Variants in ATP2B2 observed in about 807,000 individuals in gnomAD.
ATP2B2 encodes plasma membrane calcium-transporting ATPase 2.
Under a neutral mutation model 120.0 loss-of-function variants are expected in ATP2B2, and 15 were observed. The observed-to-expected ratio is 0.12, with a 90% CI of 0.08 to 0.19. The LOEUF (loss-of-function observed/expected upper bound fraction) is 0.19. Ranked by LOEUF, ATP2B2 falls within the 10% of genes least tolerant of loss-of-function variation. The pLI, the probability that ATP2B2 is intolerant of heterozygous loss-of-function variation, is 1.00. For synonymous variants in ATP2B2, 694 were observed against 700.3 expected, an observed-to-expected ratio of 0.99 and a Z score of 0.14; for missense variants, 1,045 against 1,719.8, an observed-to-expected ratio of 0.61 and a Z score of 6.94.
At chr3:10,669,102 G>C (rs1276527790) in intron 1 of ATP2B2, among the ~76,000 whole-genome samples, 3 of 152,214 alleles carry the variant, frequency 2.0e-5, no homozygotes, top group Non-Finnish European at 2.9e-5. Context: ...CTCAGAACTG[G>C]GGGCTGGGAC....
At chr3:10,628,182 C>G (rs2069760340) in intron 1 of ATP2B2, among the ~76,000 whole-genome samples, 1 of 152,188 alleles carries the variant, frequency 6.6e-6, no homozygotes, top group Non-Finnish European at 1.5e-5. Context: ...GCCTCAGGGC[C>G]CATGGCCAGG....
intron 1 of ATP2B2, among the ~76,000 whole-genome samples, chr3:10,486,332 T>C (rs1111531): frequency 0.35 from 6,067 of 17,178 alleles, 380 homozygotes; most frequent in African/African-American, 0.45. Flanking sequence ...TGCGTGTGTG[T>C]GTGTGTGTGT....
In ATP2B2 at chr3:10,690,432, A is replaced by ATATCTATCTATC. The variant is rs58646066; in HGVS notation, c.-460+17471_-460+17482dup. Reference sequence around the variant, plus strand: ...AGAAAAAAACAGAATATCTATATCTATATCTATCTATCTATCTATCTATCT... The same window carrying ATATCTATCTATC: ...AGAAAAAAACAGAATATCTATATCTATATCTATCTATCTATCTATCTATCTATCTATCTATCT... On this transcript the variant is annotated intron_variant, in intron 1 of 21. Coordinates refer to the ATP2B2 transcript ENST00000646379. Among the ~76,000 whole-genome samples the ATATCTATCTATC allele has an allele frequency of 3.4e-3, 508 of 148,912 alleles. 1 individual carries two copies. Among genetic ancestry groups the ATATCTATCTATC allele is most frequent in the East Asian group, 3.9e-3 (19 of 4,920 alleles).
intron 2 of ATP2B2, among the ~76,000 whole-genome samples, chr3:10,616,072 C>T (rs2069377450): frequency 6.6e-6 from 1 of 152,180 alleles, no homozygotes; most frequent in Non-Finnish European, 1.5e-5. Context: ...CTCCCCCGAT[C>T]CCACTACAGT....
intron 1 of ATP2B2, among the ~76,000 whole-genome samples, chr3:10,666,009 A>C (rs1462826740): frequency 6.6e-6 from 1 of 152,188 alleles, no homozygotes; most frequent in African/African-American, 2.4e-5. Context: ...AGCAAGAGTC[A>C]GATACACTTA....
intron 2 of ATP2B2, among the ~76,000 whole-genome samples, chr3:10,550,865 T>C (rs1370795746): frequency 2.0e-5 from 3 of 152,190 alleles, no homozygotes. Context: ...CAGAAGCTGT[T>C]ATGCACGGTC....
At chr3:10,629,257 C>CG (rs1238260163) in intron 1 of ATP2B2, among the ~76,000 whole-genome samples, 3 of 152,222 alleles carry the variant, frequency 2.0e-5, no homozygotes, top group Non-Finnish European at 4.4e-5. Context: ...GCTCGACCTC[C>CG]GCTGGGAACG....
At chr3:10,447,432 G>A (rs138516481) in intron 2 of ATP2B2, among the ~76,000 whole-genome samples, 1 of 152,226 alleles carries the variant, frequency 6.6e-6, no homozygotes, top group Non-Finnish European at 1.5e-5. Context: ...CTTAACTAGG[G>A]TCCACAACCC....
chr3:10,375,746 C>CG lies in ATP2B2; in HGVS notation c.1202-103_1202-102insC. ...GAAAGAGCTCCGGGTCAGGCTGACCCCAGCTCACCTCCCAGCTCTGCCACT... is the reference window on the plus strand; with the variant it reads ...GAAAGAGCTCCGGGTCAGGCTGACCCGCAGCTCACCTCCCAGCTCTGCCACT... On this transcript the variant is annotated intron_variant, in intron 10 of 22. Coordinates refer to ENST00000360273, the MANE Select transcript of ATP2B2 (RefSeq NM_001001331.4). The surrounding 1 kb of genome is among the most constrained non-coding windows in gnomAD (Gnocchi z 4.2). 1 of 1,014,042 alleles carries CG rather than the reference C, an allele frequency of 9.9e-7. No individual in the cohort carries two copies. The highest frequency in any genetic ancestry group is 1.5e-6 in the Non-Finnish European group (1 of 658,748). 62.8% of individuals were successfully genotyped at this position (1,014,042 alleles called of 1,614,324 possible). A position where few individuals can be genotyped will look rare whatever the true frequency, so the allele number is the denominator to read the frequency against.
At chr3:10,675,403 G>C (rs565139668) in intron 1 of ATP2B2, among the ~76,000 whole-genome samples, 1 of 152,278 alleles carries the variant, frequency 6.6e-6, no homozygotes, top group Admixed American at 6.5e-5. Flanking sequence ...CTTCAACCAC[G>C]TAGCTATGTA....
chr3:10,655,362 T>C (rs2070590314), intron 1 of ATP2B2, among the ~76,000 whole-genome samples: 1 of 152,214 alleles, frequency 6.6e-6, no homozygotes, highest in Non-Finnish European at 1.5e-5. Flanking sequence ...TTGTTAGAAA[T>C]GCAAATTCTT....
intron 1 of ATP2B2, among the ~76,000 whole-genome samples, chr3:10,499,707 C>T (rs1474024946): frequency 1.3e-5 from 2 of 152,128 alleles, no homozygotes; most frequent in African/African-American, 2.4e-5. Flanking sequence ...TGAAGCTCCC[C>T]TGCCTGTCTC....
chr3:10,386,744 ATGCTGGAC>A (rs547972465), intron 6 of ATP2B2, among the ~76,000 whole-genome samples: 239 of 152,232 alleles, frequency 1.6e-3, no homozygotes, highest in Non-Finnish European at 2.8e-3. Flanking sequence ...GTGGCCTGAG[ATGCTGGAC>A]TGCTCCCCCA....
At chr3:10,384,998 C>T (rs567164388) in intron 8 of ATP2B2, among the ~76,000 whole-genome samples, 5 of 152,330 alleles carry the variant, frequency 3.3e-5, no homozygotes, top group South Asian at 2.1e-4. Flanking sequence ...GCCAAAGTCT[C>T]GTCTCTTATC....
rs865927545 is a variant in ATP2B2 at position 10,448,372 on chromosome 3, G to T, written c.199+973C>A. ...CAGCTTTGCACAAATGTTCAGGATT[G>T]GGAGTGTCACTGCAGAGCCTCACAC... On this transcript the variant is annotated intron_variant, in intron 2 of 22. Transcript: ENST00000360273. Among the ~76,000 whole-genome samples the T allele has an allele frequency of 5.3e-5, 8 of 152,318 alleles. No homozygotes were observed. In the South Asian group the frequency reaches 1.7e-3, roughly 32 times the overall value.
Position 10,564,029 on chromosome 3 carries a change from C to A in ATP2B2, c.-414-29896G>T, listed in dbSNP as rs143985717. ...CTTCTGACCATGTGTTTTCATGGGG[C>A]TGCCACTCCAGGAACTTACCCCAAG... is the stretch of plus-strand genomic sequence containing the variant. On this transcript the variant is annotated intron_variant, in intron 2 of 21. Transcript: ENST00000646379. 1.7e-4 allele frequency among the ~76,000 whole-genome samples: 26 copies of A among 152,322 alleles called. 1 individual carries two copies. The East Asian group carries it at 5.0e-3, about 29-fold the overall frequency.
At chr3:10,487,513 A>C (rs887326829) in intron 1 of ATP2B2, among the ~76,000 whole-genome samples, 2 of 152,230 alleles carry the variant, frequency 1.3e-5, no homozygotes, top group African/African-American at 2.4e-5. Flanking sequence ...GCATGAAGCC[A>C]GTGGGCCACA....
chr3:10,423,140 T>C (rs932174341), intron 2 of ATP2B2, among the ~76,000 whole-genome samples: 3 of 152,368 alleles, frequency 2.0e-5, no homozygotes, highest in South Asian at 2.1e-4. Context: ...GAATTTTAGA[T>C]AAACAGCAAA....
At chr3:10,408,078 T>C (rs1049106601) in intron 3 of ATP2B2, among the ~76,000 whole-genome samples, 7 of 152,188 alleles carry the variant, frequency 4.6e-5, no homozygotes, top group Non-Finnish European at 7.3e-5. Flanking sequence ...ACTAGCACCA[T>C]AGCAATGGCA....
Sources: allele counts gnomAD v4.1 joint callset (sites outside exome capture counted in the v4.1 genomes callset), GRCh38; gene constraint gnomAD v4.1.1; non-coding constraint Gnocchi (gnomAD v3.1); transcripts MANE v1.5; gene names NCBI Gene and HGNC (gene_info 2026-07-23, HGNC 2026-07-21).